ITGBL1: variants seen among roughly 807,000 people sequenced by gnomAD.
The protein encoded by ITGBL1 is integrin subunit beta like 1.
A neutral mutation model predicts 68.5 loss-of-function variants in ITGBL1; 51 were observed. That is an observed-to-expected ratio of 0.74 (90% CI 0.59 to 0.94). The LOEUF is 0.94. ITGBL1 is among the 40% of genes least tolerant of loss of function. The pLI, the probability that ITGBL1 is intolerant of heterozygous loss-of-function variation, is 0.00. For missense variants in ITGBL1, 649 were observed against 647.4 expected (o/e 1.00, Z -0.03); for synonymous variants, 209 against 227.3 (o/e 0.92, Z 0.72).
intron 7 of ITGBL1, among the ~76,000 whole-genome samples, chr13:101,604,422 T>A (rs1357800606): frequency 1.3e-5 from 2 of 151,908 alleles, no homozygotes; most frequent in African/African-American, 4.8e-5. Flanking sequence ...TAAAATTGTT[T>A]ATAATTCATT....
chr13:101,531,738 T>C (rs1395163432), intron 2 of ITGBL1, among the ~76,000 whole-genome samples: 1 of 150,278 alleles, frequency 6.7e-6, no homozygotes, highest in Admixed American at 6.6e-5. Flanking sequence ...TTTATTTATT[T>C]ATTTATGTTT....
At chr13:101,604,719 C>T (rs973954003) in intron 7 of ITGBL1, among the ~76,000 whole-genome samples, 5 of 149,452 alleles carry the variant, frequency 3.3e-5, no homozygotes, top group African/African-American at 1.2e-4. Context: ...GCTGTGGTTA[C>T]ATGAGTTAGG....
Position 101,536,206 on chromosome 13 carries a change from C to T in ITGBL1, c.317-31493C>T, listed in dbSNP as rs537805298. 7.9e-5 allele frequency among the ~76,000 whole-genome samples: 12 copies of T among 152,028 alleles called. No homozygotes were observed. The South Asian group carries it at 2.5e-3, about 32-fold the overall frequency. On this transcript the variant is annotated intron_variant, in intron 2 of 10. Transcript: ENST00000376180. ...CGTGGCAAATAATCAAAAGACTAGG[C>T]TATACTTGTTTCTTCTAAAAACAGT...
chr13:101,643,818 TA>T (rs1038570651), intron 7 of ITGBL1, among the ~76,000 whole-genome samples: 2 of 152,136 alleles, frequency 1.3e-5, no homozygotes, highest in African/African-American at 4.8e-5. Flanking sequence ...TAAGTTCTTA[TA>T]AATAAGTGAC....
At chr13:101,675,860 C>T in intron 7 of ITGBL1, among the ~76,000 whole-genome samples, 1 of 152,136 alleles carries the variant, frequency 6.6e-6, no homozygotes, top group African/African-American at 2.4e-5. Context: ...AATTCTTTTT[C>T]TTCCCTATCT....
chr13:101,542,942 T>C (rs2049738282), intron 2 of ITGBL1, among the ~76,000 whole-genome samples: 1 of 152,196 alleles, frequency 6.6e-6, no homozygotes, highest in South Asian at 2.1e-4. Context: ...ATTTTGAGCC[T>C]GTGTGTGTCT....
chr13:101,577,694 C>A (rs1001468123), intron 4 of ITGBL1, among the ~76,000 whole-genome samples: 4 of 151,988 alleles, frequency 2.6e-5, no homozygotes, highest in African/African-American at 9.7e-5. Flanking sequence ...GTGATTGGGT[C>A]GTACAAACCT....
intron 2 of ITGBL1, among the ~76,000 whole-genome samples, chr13:101,506,115 C>A (rs74393705): frequency 0.015 from 2,266 of 152,288 alleles, 64 homozygotes; most frequent in African/African-American, 0.051. Flanking sequence ...AATGCGCTCA[C>A]TGTGGAACTA....
chr13:101,478,980 C>T (rs1435239102), intron 2 of ITGBL1, among the ~76,000 whole-genome samples: 1 of 151,862 alleles, frequency 6.6e-6, no homozygotes, highest in Non-Finnish European at 1.5e-5. Context: ...TATTGAACTA[C>T]AAAATACCCA....
chr13:101,646,152 G>A (rs1184820298), intron 7 of ITGBL1, among the ~76,000 whole-genome samples: 1 of 152,170 alleles, frequency 6.6e-6, no homozygotes, highest in Non-Finnish European at 1.5e-5. Context: ...CTGCAATGGC[G>A]TGAACTGCAA....
chr13:101,604,879 T>TACACACACACACACAC (rs1307529776), intron 7 of ITGBL1, among the ~76,000 whole-genome samples: 105 of 13,284 alleles, frequency 7.9e-3, no homozygotes, highest in South Asian at 0.03. Context: ...TATATATATA[T>TACACACACACACACAC]ATATATATAC....
intron 2 of ITGBL1, among the ~76,000 whole-genome samples, chr13:101,525,842 C>A (rs943197408): frequency 7.2e-5 from 11 of 152,058 alleles, no homozygotes; most frequent in African/African-American, 2.4e-4. Context: ...AATATATATG[C>A]ATATATACAT....
At chr13:101,633,418 G>T (rs1383202423) in intron 7 of ITGBL1, among the ~76,000 whole-genome samples, 1 of 152,148 alleles carries the variant, frequency 6.6e-6, no homozygotes, top group Non-Finnish European at 1.5e-5. Context: ...CCATCTCGTT[G>T]ATTTACTGAA....
At chr13:101,577,882 G>A (rs2050390219) in intron 4 of ITGBL1, among the ~76,000 whole-genome samples, 1 of 152,118 alleles carries the variant, frequency 6.6e-6, no homozygotes, top group South Asian at 2.1e-4. Flanking sequence ...TCACTTGACA[G>A]CCTTTGCATT....
At chr13:101,679,772 G>C (rs955970839) in intron 7 of ITGBL1, among the ~76,000 whole-genome samples, 3 of 152,164 alleles carry the variant, frequency 2.0e-5, no homozygotes, top group Non-Finnish European at 4.4e-5. Flanking sequence ...AATCCTAAAT[G>C]ACCTCCTCTG....
At chr13:101,507,211 T>C (rs2049040260) in intron 2 of ITGBL1, among the ~76,000 whole-genome samples, 1 of 152,170 alleles carries the variant, frequency 6.6e-6, no homozygotes, top group Non-Finnish European at 1.5e-5. Flanking sequence ...GTCAGAGCTA[T>C]TTATTCCCTG....
intron 3 of ITGBL1, 33 bp downstream of exon 3, chr13:101,567,878 G>A (rs1483606304): frequency 1.9e-6 from 3 of 1,572,178 alleles, no homozygotes; most frequent in Admixed American, 1.8e-5. Context: ...ATTGTTAAGT[G>A]GAATAATCAA....
At chr13:101,559,984 A>G (rs899977352) in intron 2 of ITGBL1, among the ~76,000 whole-genome samples, 3 of 152,222 alleles carry the variant, frequency 2.0e-5, no homozygotes, top group East Asian at 1.9e-4. Flanking sequence ...CGTTGTCCAC[A>G]TGAAAATGCT....
intron 2 of ITGBL1, among the ~76,000 whole-genome samples, chr13:101,563,613 C>T (rs4400915): frequency 0.1 from 15,553 of 151,776 alleles, 1,296 homozygotes; most frequent in African/African-American, 0.23. Context: ...AAATAGATGA[C>T]TTGAATAGCC....
Sources: allele counts gnomAD v4.1 joint callset (sites outside exome capture counted in the v4.1 genomes callset), GRCh38; gene constraint gnomAD v4.1.1; transcripts MANE v1.5; gene names NCBI Gene and HGNC (gene_info 2026-07-23, HGNC 2026-07-21).